The following MLF1 variants were observed in gnomAD, a reference collection of about 807,000 sequenced individuals.
The protein encoded by MLF1 is myelodysplasia-myeloid leukemia factor 1.
Under a neutral mutation model 38.3 loss-of-function variants are expected in MLF1, and 37 were observed. The observed-to-expected ratio is 0.96, with a 90% CI of 0.74 to 1.27. The LOEUF is 1.27. Among genes scored for constraint, MLF1 ranks in the 50% most tolerant of loss-of-function variants. The pLI is 0.00. For missense variants in MLF1, 331 were observed against 349.2 expected, an observed-to-expected ratio of 0.95 and a Z score of 0.42; for synonymous variants, 95 against 106.5, an observed-to-expected ratio of 0.89 and a Z score of 0.66.
chr3:158,571,230 T>C lies in MLF1; in HGVS notation c.-71T>C. ...CGTCCGTACTGGAGGCTAGCTCTTG[T>C]CGCGGCCGCGGCGAGTTAACATCGT... On this transcript the variant is annotated 5_prime_UTR_variant, in exon 1 of 8. Transcript: ENST00000466246. 7.6e-7 allele frequency: 1 copy of C among 1,307,506 alleles called. No individual in the cohort carries two copies. 81.0% of individuals were successfully genotyped at this position (1,307,506 alleles called of 1,614,324 possible). A position where few individuals can be genotyped will look rare whatever the true frequency, so the allele number is the denominator to read the frequency against.
intron 3 of MLF1, among the ~76,000 whole-genome samples, chr3:158,596,637 C>G (rs1473991385): frequency 2.0e-5 from 3 of 151,952 alleles, no homozygotes; most frequent in African/African-American, 7.3e-5. Flanking sequence ...TGTTACAGTT[C>G]CCTAATTATT....
chr3:158,592,152 T>C (rs143349854), intron 1 of MLF1, among the ~76,000 whole-genome samples: 368 of 152,294 alleles, frequency 2.4e-3, no homozygotes, highest in African/African-American at 8.6e-3. Flanking sequence ...CCAGCATGGC[T>C]GTATGGATCA....
intron 3 of MLF1, among the ~76,000 whole-genome samples, chr3:158,593,971 A>C (rs530366676): frequency 3.1e-4 from 47 of 152,308 alleles, no homozygotes; most frequent in African/African-American, 1.1e-3. Context: ...ACACACTAAA[A>C]GCATTCTGGG....
At chr3:158,572,513 T>A (rs1211002979) in intron 1 of MLF1, among the ~76,000 whole-genome samples, 1 of 33,214 alleles carries the variant, frequency 3.0e-5, no homozygotes, top group Non-Finnish European at 5.9e-5. Context: ...GCATGAGGTG[T>A]GGGAGGAGGG....
At chr3:158,596,790 G>A in intron 3 of MLF1, 72 bp from the exon 4 acceptor site, 2 of 938,826 alleles carry the variant, frequency 2.1e-6, no homozygotes, top group Non-Finnish European at 3.2e-6. Context: ...TGTTTTAGCT[G>A]TTTTGGAAGA....
At chr3:158,595,141 G>A (rs542217739) in intron 3 of MLF1, among the ~76,000 whole-genome samples, 4 of 152,228 alleles carry the variant, frequency 2.6e-5, no homozygotes, top group African/African-American at 9.6e-5. Flanking sequence ...GATAGTCACA[G>A]TACCCTGAAG....
chr3:158,596,587 A>G (rs1718913061), intron 3 of MLF1, among the ~76,000 whole-genome samples: 1 of 152,140 alleles, frequency 6.6e-6, no homozygotes, highest in Admixed American at 6.6e-5. Context: ...TTAGGTGTGT[A>G]TGTGTTTTTA....
At chr3:158,579,283 A>G (rs1576646248) in intron 1 of MLF1, among the ~76,000 whole-genome samples, 1 of 133,938 alleles carries the variant, frequency 7.5e-6, no homozygotes, top group Admixed American at 7.6e-5. Flanking sequence ...GTGCTACCAT[A>G]GAATTTTTTT....
chr3:158,585,037 G>GAAAAA (rs59014137), intron 1 of MLF1, among the ~76,000 whole-genome samples: 43 of 88,436 alleles, frequency 4.9e-4, no homozygotes, highest in South Asian at 1.2e-3. Context: ...GACTCTGTCT[G>GAAAAA]AAAAAAAAAA....
intron 1 of MLF1, among the ~76,000 whole-genome samples, chr3:158,584,888 A>G (rs77407898): frequency 6.6e-6 from 1 of 151,852 alleles, no homozygotes; most frequent in East Asian, 1.9e-4. Flanking sequence ...AAATACAAAA[A>G]TTAGCCAGGC....
intron 4 of MLF1, 130 bp from the exon 5 acceptor site, chr3:158,597,950 T>G: frequency 9.7e-7 from 1 of 1,030,374 alleles, no homozygotes; most frequent in Non-Finnish European, 1.4e-6. Flanking sequence ...TGGGTGTGCC[T>G]TTGACTACAC....
chr3:158,597,980 C>A lies in MLF1; in HGVS notation c.325-100C>A, dbSNP rs115515504. 1.3e-3 allele frequency: 1,640 copies of A among 1,250,794 alleles called. 18 individuals carry two copies. The African/African-American group carries it at 0.022, about 17-fold the overall frequency. The allele number at this position is 1,250,794 out of a possible 1,614,324, so 77.5% of individuals were successfully genotyped here. ...CTACACCATATTGGTAGTTTAGTAT[C>A]CTTAGTAGAACTTACAGCTAGTGTT... On this transcript the variant is annotated intron_variant, in intron 4 of 7. Transcript: ENST00000466246.
In MLF1 at chr3:158,602,929, C is replaced by T; in HGVS notation, c.736C>T (p.Leu246Phe). 6.2e-7 allele frequency: 1 copy of T among 1,609,766 alleles called. No homozygotes were observed. Among genetic ancestry groups the T allele is most frequent in the Non-Finnish European group, 8.5e-7 (1 of 1,178,544 alleles). ...CCATGAGAATCCTGGCTCCCGAGAA[C>T]TTAAAAGAAGGTAAAAGTTGTTTCT... ...VGHENPGSRE[L>F]KRREKPQQSP... is the part of the protein sequence containing the mutation. Residue 246 changes from leucine (L) to phenylalanine (F), a missense_variant, in exon 7 of 8, where the codon CTT becomes TTT. Transcript: ENST00000466246.
In MLF1 at chr3:158,598,164, A is replaced by G. The variant is rs774061362; in HGVS notation, c.409A>G (p.Lys137Glu). The change falls in exon 5 of 8, where the codon AAG becomes GAG. Residue 137 changes from lysine to glutamate, a missense_variant. Coordinates refer to ENST00000466246, the MANE Select transcript of MLF1 (RefSeq NM_001369783.1). ...TTCCAAAATAGGAGATGAACCGCCAAAGGTTTTTCAGGCCTCAACTCAAAC... is the reference window on the plus strand; with the variant it reads ...TTCCAAAATAGGAGATGAACCGCCAGAGGTTTTTCAGGCCTCAACTCAAAC... ...TYSKIGDEPP[K>E]VFQASTQTRR... is the part of the protein sequence containing the mutation. 4 of 1,613,834 alleles carry G rather than the reference A, an allele frequency of 2.5e-6. No individual in the cohort carries two copies. In the East Asian group the frequency reaches 6.7e-5, roughly 27 times the overall value.
In MLF1 at chr3:158,582,798, T is replaced by C. The variant is rs1165407014; in HGVS notation, c.48-9636T>C. ...AGACTGTCTCAGACAAACAAAAATTTGGTGAATTTGTTGACAGTAGACCTG... is the reference window on the plus strand; with the variant it reads ...AGACTGTCTCAGACAAACAAAAATTCGGTGAATTTGTTGACAGTAGACCTG... On this transcript the variant is annotated intron_variant, in intron 1 of 7. Transcript: ENST00000466246. 6.3e-6 allele frequency: 4 copies of C among 635,310 alleles called. No homozygotes were observed. The East Asian group carries it at 8.5e-5, about 14-fold the overall frequency. 39.4% of individuals were successfully genotyped at this position (635,310 alleles called of 1,614,324 possible).
chr3:158,583,604 A>G (rs1716751189), intron 1 of MLF1, among the ~76,000 whole-genome samples: 1 of 152,204 alleles, frequency 6.6e-6, no homozygotes, highest in Admixed American at 6.5e-5. Flanking sequence ...AGAGACAGAG[A>G]TGGGAAATGG....
At chr3:158,598,390 C>CT (rs1207518085) in intron 5 of MLF1, among the ~76,000 whole-genome samples, 182 bp downstream of exon 5, 2 of 149,890 alleles carry the variant, frequency 1.3e-5, no homozygotes, top group Non-Finnish European at 3.0e-5. Context: ...ACTGTATTTA[C>CT]TTAGTTTGTG....
intron 6 of MLF1, 25 bp from the exon 7 acceptor site, chr3:158,602,782 C>G: frequency 1.2e-6 from 2 of 1,608,978 alleles, no homozygotes; most frequent in Non-Finnish European, 1.7e-6. Flanking sequence ...AATACTTATT[C>G]CCATTATTTT....
At chr3:158,603,425 C>T (rs1040305980) in intron 7 of MLF1, among the ~76,000 whole-genome samples, 1 of 152,122 alleles carries the variant, frequency 6.6e-6, no homozygotes, top group African/African-American at 2.4e-5. Context: ...ACATGCAATA[C>T]CATATTCGAT....
Sources: allele counts gnomAD v4.1 joint callset (sites outside exome capture counted in the v4.1 genomes callset), GRCh38; gene constraint gnomAD v4.1.1; transcripts MANE v1.5; gene names NCBI Gene and HGNC (gene_info 2026-07-23, HGNC 2026-07-21).